AFF2: variants seen among roughly 807,000 people sequenced by gnomAD.
AFF2 encodes AF4/FMR2 family member 2.
A neutral mutation model predicts 76.9 loss-of-function variants in AFF2; 14 were observed. That is an observed-to-expected ratio of 0.18 (90% CI 0.12 to 0.28). The LOEUF (loss-of-function observed/expected upper bound fraction) is 0.28. Among genes scored for constraint, AFF2 ranks in the 10% least tolerant of loss-of-function variants. The pLI is 1.00. For synonymous variants in AFF2, 398 were observed against 366.7 expected (o/e 1.09, Z -0.98); for missense variants, 868 against 1,001.1 (o/e 0.87, Z 1.79).
chrX:148,722,360 T>C (rs930291088), intron 3 of AFF2, among the ~76,000 whole-genome samples: 3 of 111,395 alleles, frequency 2.7e-5, no homozygotes, highest in South Asian at 3.8e-4. Flanking sequence ...CCACGCCTTC[T>C]GATATTTGGG....
chrX:148,591,021 C>G lies in AFF2; in HGVS notation c.48-60978C>G, dbSNP rs147838850. Among the ~76,000 whole-genome samples, 633 of 111,643 alleles carry G rather than the reference C, an allele frequency of 5.7e-3. 2 individuals are homozygous for G. The highest frequency in any genetic ancestry group is 0.02 in the African/African-American group (611 of 30,723). On this transcript the variant is annotated intron_variant, in intron 1 of 20. Transcript: ENST00000370460. ...TTGTTTCTGTTTCTCTTTGAATTAC[C>G]CGTGTTGCCCTCTGGGTATTATATA...
rs2070545650 is a variant in AFF2 at position 148,837,741 on chromosome X, C to T, written c.1173+8C>T. ...TTTTCCATCCCAGGACAGGTCAGTT[C>T]TCTTCCTTCCTGCATTTTTGTTTGT... On this transcript the variant is annotated splice_region_variant and intron_variant, in intron 5 of 20. Transcript: ENST00000370460. 2.7e-6 allele frequency: 3 copies of T among 1,115,741 alleles called. No individual in the cohort carries two copies. In the East Asian group the frequency reaches 9.1e-5, roughly 34 times the overall value. The allele number at this position is 1,115,741 out of a possible 1,213,427, so 91.9% of individuals were successfully genotyped here.
At chrX:148,589,476 T>A (rs782495259) in intron 1 of AFF2, among the ~76,000 whole-genome samples, 1 of 112,280 alleles carries the variant, frequency 8.9e-6, no homozygotes, top group Non-Finnish European at 1.9e-5. Context: ...GCTGGTGACA[T>A]TTGGAAAGGA....
rs781840590 is a variant in AFF2, at chrX:148,956,058, C to A, written c.2013C>A (p.Asn671Lys). The A allele has an allele frequency of 1.7e-6, 2 of 1,211,240 alleles. No individual in the cohort carries two copies. Among genetic ancestry groups the A allele is most frequent in the African/African-American group, 1.7e-5 (1 of 57,614 alleles). ...TTCATGACCCACCAAGAGGCCGCAA[C>A]AAAGCCACTGCCCACAAACCAGCCC... ...VELHDPPRGR[N>K]KATAHKPAPR... The change falls in exon 11 of 21, where the codon AAC becomes AAA. Residue 671 changes from asparagine to lysine, a missense_variant. By Grantham distance (94) the Asn-to-Lys change is moderately conservative. Transcript: ENST00000370460.
intron 1 of AFF2, among the ~76,000 whole-genome samples, chrX:148,599,622 C>T (rs2053607552): frequency 9.0e-6 from 1 of 111,380 alleles, no homozygotes; most frequent in Non-Finnish European, 1.9e-5. Context: ...CAGCTTATCT[C>T]GGGTTCACAG....
intron 1 of AFF2, among the ~76,000 whole-genome samples, chrX:148,549,577 A>G (rs6641435): frequency 0.31 from 34,534 of 110,402 alleles, 4,163 homozygotes; most frequent in African/African-American, 0.39. Context: ...ATCCCCAAAT[A>G]CATCATAATC....
At chrX:148,611,195 C>A (rs2053728617) in intron 1 of AFF2, among the ~76,000 whole-genome samples, 1 of 111,584 alleles carries the variant, frequency 9.0e-6, no homozygotes, top group Non-Finnish European at 1.9e-5. Flanking sequence ...AGTGGTCTGG[C>A]AGGTAGGGGA....
intron 9 of AFF2, among the ~76,000 whole-genome samples, chrX:148,936,198 G>A (rs915175758): frequency 7.2e-5 from 8 of 110,986 alleles, no homozygotes; most frequent in Non-Finnish European, 1.3e-4. Context: ...TTTACCTTGC[G>A]TTTTCTGTGA....
intron 3 of AFF2, among the ~76,000 whole-genome samples, chrX:148,721,048 G>T (rs2055085782): frequency 9.0e-6 from 1 of 111,561 alleles, no homozygotes; most frequent in African/African-American, 3.3e-5. Flanking sequence ...AAGCCTCCAG[G>T]GTTTATAACA....
At chrX:148,870,276 A>G (rs1557277236) in intron 7 of AFF2, among the ~76,000 whole-genome samples, 1 of 112,174 alleles carries the variant, frequency 8.9e-6, no homozygotes, top group East Asian at 2.8e-4. Context: ...TTCAAATAAC[A>G]TTGTTATTGC....
chrX:148,543,141 G>A (rs1033537016), intron 1 of AFF2, among the ~76,000 whole-genome samples: 4 of 111,189 alleles, frequency 3.6e-5, no homozygotes, highest in African/African-American at 1.3e-4. Context: ...CAGCAGCATC[G>A]ACCTCTCTTG....
chrX:148,533,065 C>G (rs1024232677), intron 1 of AFF2, among the ~76,000 whole-genome samples: 1 of 111,838 alleles, frequency 8.9e-6, no homozygotes. Context: ...TCTATCACCA[C>G]TGAACAGAAC....
intron 1 of AFF2, among the ~76,000 whole-genome samples, chrX:148,617,912 A>G (rs1318831701): frequency 8.9e-6 from 1 of 112,033 alleles, no homozygotes; most frequent in Non-Finnish European, 1.9e-5. Flanking sequence ...GTATCTTTCC[A>G]CAAGGGAGAA....
chrX:148,729,733 C>A (rs1294349321), intron 3 of AFF2, among the ~76,000 whole-genome samples: 4 of 112,042 alleles, frequency 3.6e-5, no homozygotes, highest in Non-Finnish European at 7.5e-5. Flanking sequence ...TGAATTTAAT[C>A]AATGCAGAGA....
At chrX:148,968,346 A>G (rs1484547552) in intron 15 of AFF2, among the ~76,000 whole-genome samples, 1 of 111,715 alleles carries the variant, frequency 9.0e-6, no homozygotes, top group Non-Finnish European at 1.9e-5. Context: ...CACACATCAC[A>G]TTGAAAGCTT....
chrX:148,674,379 A>G (rs1401138582), intron 3 of AFF2, among the ~76,000 whole-genome samples: 2 of 111,854 alleles, frequency 1.8e-5, no homozygotes, highest in African/African-American at 6.5e-5. Context: ...TGTGCCTGTT[A>G]TCAACAGGAA....
At chrX:148,721,595 G>A (rs1044464386) in intron 3 of AFF2, among the ~76,000 whole-genome samples, 7 of 111,871 alleles carry the variant, frequency 6.3e-5, no homozygotes, top group Admixed American at 1.9e-4. Flanking sequence ...ATCTGCCTAG[G>A]ACCAACAGTG....
chrX:148,903,793 T>C lies in AFF2; in HGVS notation c.1360-428T>C, dbSNP rs184097302. Among the ~76,000 whole-genome samples the C allele has an allele frequency of 6.3e-5, 7 of 111,581 alleles. No homozygotes were observed. The Admixed American group carries it at 6.7e-4, about 11-fold the overall frequency. On this transcript the variant is annotated intron_variant, in intron 8 of 20. Transcript: ENST00000370460. ...AGTAGTGCTAGGGTGAGCAGTTCCCTACCACAAATCTAAAAATCCAGGATA... is the reference window on the plus strand; with the variant it reads ...AGTAGTGCTAGGGTGAGCAGTTCCCCACCACAAATCTAAAAATCCAGGATA...
At chrX:148,732,489 T>C (rs1557264752) in intron 3 of AFF2, among the ~76,000 whole-genome samples, 1 of 87,109 alleles carries the variant, frequency 1.1e-5, no homozygotes, top group East Asian at 4.0e-4. Context: ...GACGAGTTAG[T>C]GGGTGCAGCG....
Sources: gnomAD v4.1 joint callset for allele counts (sites outside exome capture counted in the v4.1 genomes callset) on GRCh38, gnomAD v4.1.1 for gene constraint, MANE v1.5 for transcripts, NCBI Gene and HGNC (gene_info 2026-07-23, HGNC 2026-07-21) for gene names.